The following MYH2 variants were observed in gnomAD, a reference collection of about 807,000 sequenced individuals.
MYH2 encodes myosin heavy chain 2, also known as myosin-2.
A neutral mutation model predicts 228.1 loss-of-function variants in MYH2; 139 were observed. That is an observed-to-expected ratio of 0.61 (90% CI 0.53 to 0.70). The LOEUF is 0.70. Ranked by LOEUF, MYH2 falls within the 30% of genes least tolerant of loss-of-function variation. The pLI, the probability that MYH2 is intolerant of heterozygous loss-of-function variation, is 0.00. For synonymous variants in MYH2, 796 were observed against 871.1 expected (o/e 0.91, Z 1.52); for missense variants, 1,809 against 2,357.5 (o/e 0.77, Z 4.82).
Position 10,521,247 on chromosome 17 carries a change from T to G in MYH2, c.*33A>C. On this transcript the variant is annotated 3_prime_UTR_variant, in exon 40 of 40. Transcript: ENST00000245503. ...GACCAAAGATGTCACATTTTGTGCCTGTCTTCAGTCATTCCATGGCATCAG... is the reference window on the plus strand; with the variant it reads ...GACCAAAGATGTCACATTTTGTGCCGGTCTTCAGTCATTCCATGGCATCAG... 1.2e-6 allele frequency: 2 copies of G among 1,611,456 alleles called. No individual in the cohort carries two copies. The highest frequency in any genetic ancestry group is 1.7e-6 in the Non-Finnish European group (2 of 1,178,932).
In MYH2 at chr17:10,545,426, G is replaced by T. The variant is rs766305131; in HGVS notation, c.425C>A (p.Ala142Asp). The T allele has an allele frequency of 2.5e-6, 4 of 1,614,028 alleles. No individual in the cohort carries two copies. Among genetic ancestry groups the T allele is most frequent in the Non-Finnish European group, 3.4e-6 (4 of 1,179,984 alleles). ...CTCCTGGCGCTTTTTGCCTCGGTAG[G>T]CTGTCACCACCTCGGGCTTATACAC... ...LPVYKPEVVT[A>D]YRGKKRQEAP... Residue 142 changes from alanine (A) to aspartate (D), a missense_variant, in exon 5 of 40, where the codon GCC becomes GAC. Physicochemically the swap from Ala to Asp is moderately radical, Grantham distance 126 (BLOSUM62 -2). Coordinates refer to ENST00000245503, the MANE Select transcript of MYH2 (RefSeq NM_017534.6).
chr17:10,538,530 A>T (rs2073510113), intron 14 of MYH2, among the ~76,000 whole-genome samples: 1 of 151,820 alleles, frequency 6.6e-6, no homozygotes, highest in Non-Finnish European at 1.5e-5. Flanking sequence ...CTGTAGTCCC[A>T]GCTATTCGGG....
intron 8 of MYH2, 68 bp from the exon 9 acceptor site, chr17:10,543,229 A>G (rs2073580845): frequency 8.5e-7 from 1 of 1,182,398 alleles, no homozygotes; most frequent in South Asian, 1.4e-5. Context: ...AATTCCAAAC[A>G]TTTGATGCTG....
intron 27 of MYH2, 27 bp downstream of exon 27, chr17:10,528,663 A>G (rs374806254): frequency 3.3e-5 from 53 of 1,613,834 alleles, no homozygotes; most frequent in Non-Finnish European, 4.3e-5. Flanking sequence ...ATTATTTTCA[A>G]TAACAATTTC....
At chr17:10,528,626 G>A (rs2073383801) in intron 27 of MYH2, 64 bp downstream of exon 27, 1 of 1,611,930 alleles carries the variant, frequency 6.2e-7, no homozygotes, top group East Asian at 2.2e-5. Flanking sequence ...AAAGTGCCCT[G>A]TGCAAACTAT....
Position 10,526,770 on chromosome 17 carries a change from A to T in MYH2, c.4016T>A (p.Leu1339Gln), listed in dbSNP as rs767924248. ...GTCACAGTCGTGGCGGGAAGACTGC[A>T]GGGCATGCGCCAGGGCGTTCTTGGC... is the stretch of plus-strand genomic sequence containing the variant. Reference protein sequence around the residue: ...IKAKNALAHALQSSRHDCDLL... With the variant: ...IKAKNALAHAQQSSRHDCDLL... The change falls in exon 30 of 40, where the codon CTG becomes CAG. Residue 1339 changes from leucine (L) to glutamine (Q), a missense_variant. By Grantham distance (113) the Leu-to-Gln change is moderately radical. Coordinates refer to ENST00000245503, the MANE Select transcript of MYH2 (RefSeq NM_017534.6). 1.9e-6 allele frequency: 3 copies of T among 1,614,250 alleles called. No individual in the cohort carries two copies. In the South Asian group the frequency reaches 3.3e-5, roughly 18 times the overall value.
chr17:10,539,071 C>T (rs964691317), intron 14 of MYH2, 134 bp downstream of exon 14: 3 of 1,502,762 alleles, frequency 2.0e-6, no homozygotes, highest in African/African-American at 1.4e-5. Flanking sequence ...CAATAACTGA[C>T]CAGTTACTCT....
Position 10,523,645 on chromosome 17 carries a change from G to C in MYH2, c.5323C>G (p.Leu1775Val), listed in dbSNP as rs753602134. Residue 1775 changes from leucine (L) to valine (V), a missense_variant, in exon 37 of 40, where the codon CTG (leucine) becomes GTG (valine). Around this residue, in one of 9 missense-constraint regions of MYH2, gnomAD observed 278 missense variants for 308.5 expected, o/e 0.90. Transcript: ENST00000245503. ...ITDAAMMAEE[L>V]KKEQDTSAHL... ...GCGCTGGTGTCCTGCTCCTTCTTCA[G>C]CTCCTCAGCCATCATGGCGGCCTAA... The C allele has an allele frequency of 1.1e-5, 18 of 1,614,062 alleles. No individual in the cohort carries two copies. Among genetic ancestry groups the C allele is most frequent in the Admixed American group, 1.7e-5 (1 of 60,004 alleles).
At position 10,533,321 on chromosome 17, in the gene MYH2, A is replaced by T. The variant is rs758395765; in HGVS notation, c.2405T>A (p.Leu802Ter). ...TRTQARCRGFLARVEYQRMVE... is the reference protein window; with the variant it reads ...TRTQARCRGF ...CATCCTCTGGTACTCCACTCTTGCCAAGAACCCTCTGCACCTGGCCTGGGT... is the reference window on the plus strand; with the variant it reads ...CATCCTCTGGTACTCCACTCTTGCCTAGAACCCTCTGCACCTGGCCTGGGT... Residue 802 changes from leucine (L) to a stop codon, truncating the protein, a stop_gained, in exon 21 of 40, where the codon TTG (leucine) becomes TAG (stop). Transcript: ENST00000245503. LOFTEE classifies it high-confidence loss of function. 6.6e-5 allele frequency: 106 copies of T among 1,614,068 alleles called. No homozygotes were observed. Among genetic ancestry groups the T allele is most frequent in the Non-Finnish European group, 5.1e-6 (6 of 1,180,014 alleles).
Position 10,523,505 on chromosome 17 carries a change from C to T in MYH2, c.5463G>A (p.Leu1821=), listed in dbSNP as rs978719240. 1.5e-5 allele frequency: 25 copies of T among 1,614,072 alleles called. No homozygotes were observed. The highest frequency in any genetic ancestry group is 2.1e-5 in the Non-Finnish European group (25 of 1,180,046). Reference sequence around the variant, plus strand: ...ATATTGGGAGACCCACCCTGGCCTCCAGTTTCTGGATCTGCTTCTTCCCAC... The same window carrying T: ...ATATTGGGAGACCCACCCTGGCCTCTAGTTTCTGGATCTGCTTCTTCCCAC... The part of the protein sequence containing the change: ...LKGGKKQIQK[L]EARVRELEGE... Residue 1821 remains leucine, a synonymous_variant, in exon 37 of 40, where the codon CTG becomes CTA. Transcript: ENST00000245503.
chr17:10,547,739 G>T lies in MYH2; in HGVS notation c.182C>A (p.Thr61Lys), dbSNP rs145979297. 1 of 1,614,196 alleles carries T rather than the reference G, an allele frequency of 6.2e-7. No individual in the cohort carries two copies. The highest frequency in any genetic ancestry group is 1.1e-5 in the South Asian group (1 of 91,084). Residue 61 changes from threonine to lysine, a missense_variant, in exon 3 of 40, where the codon ACG becomes AAG. By Grantham distance (78) the Thr-to-Lys change is moderately conservative (BLOSUM62 -1). Around this residue, in one of 9 missense-constraint regions of MYH2, gnomAD observed 84 missense variants for 81.8 expected, o/e 1.03. Transcript: ENST00000245503. Reference protein sequence around the residue: ...TIQSREGGKVTVKTEGGATLT... With the variant: ...TIQSREGGKVKVKTEGGATLT... ...CACCGCTCCTCCCTCAGTCTTCACC[G>T]TCACTTTTCCTCCTTCTCTGCTCTG...
At chr17:10,521,720 A>G (rs1049874374) in intron 39 of MYH2, among the ~76,000 whole-genome samples, 3 of 152,056 alleles carry the variant, frequency 2.0e-5, no homozygotes, top group Non-Finnish European at 2.9e-5. Flanking sequence ...GAAGGCAAGA[A>G]TATTAAAGTC....
At chr17:10,536,762 C>T (rs972615087) in intron 16 of MYH2, among the ~76,000 whole-genome samples, 156 bp from the exon 17 acceptor site, 1 of 152,202 alleles carries the variant, frequency 6.6e-6, no homozygotes, top group African/African-American at 2.4e-5. Context: ...ACTAAGTTTG[C>T]AGCCACTTAT....
chr17:10,547,327 C>T (rs111928286), intron 4 of MYH2, 148 bp downstream of exon 4: 17 of 1,097,028 alleles, frequency 1.5e-5, no homozygotes, highest in Admixed American at 5.2e-5. Context: ...CTGTGCTTTA[C>T]GATAGCAATC....
rs199732843 is a variant in MYH2 at position 10,527,072 on chromosome 17, A to G, written c.3872-16T>C. ...GAAAACTCACCTGATGGACAAAAGAAATGGCACCATTTTTTAGGTGAAAAA... is the reference window on the plus strand; with the variant it reads ...GAAAACTCACCTGATGGACAAAAGAGATGGCACCATTTTTTAGGTGAAAAA... On this transcript the variant is annotated splice_polypyrimidine_tract_variant and intron_variant, in intron 28 of 39. Coordinates refer to ENST00000245503, the MANE Select transcript of MYH2 (RefSeq NM_017534.6). 5.8e-4 allele frequency: 933 copies of G among 1,606,538 alleles called. 1 individual carries two copies. Among genetic ancestry groups the G allele is most frequent in the Non-Finnish European group, 7.7e-4 (900 of 1,173,144 alleles).
At chr17:10,543,548 C>T (rs1220779911) in intron 8 of MYH2, among the ~76,000 whole-genome samples, 163 bp downstream of exon 8, 1 of 151,872 alleles carries the variant, frequency 6.6e-6, no homozygotes, top group Non-Finnish European at 1.5e-5. Context: ...GCCATATATC[C>T]TTCAAGATGG....
chr17:10,527,058 T>A lies in MYH2; in HGVS notation c.3872-2A>T. On this transcript the variant is annotated splice_acceptor_variant, in intron 28 of 39. Transcript: ENST00000245503. LOFTEE classifies it high-confidence loss of function. ...CATCAAGCTGGCGTGAAAACTCACC[T>A]GATGGACAAAAGAAATGGCACCATT... 6.2e-7 allele frequency: 1 copy of A among 1,613,184 alleles called. No homozygotes were observed.
rs879255253 is a variant in MYH2 at position 10,542,874 on chromosome 17, C to G, written c.904+1G>C. On this transcript the variant is annotated splice_donor_variant, in intron 10 of 39. Transcript: ENST00000245503. LOFTEE classifies it high-confidence loss of function. ...TGGAAAAGAATTATGACATTTCTTA[C>G]CAATAAGTTCTGGTTTCTTATTCGA... 56 of 1,576,306 alleles carry G rather than the reference C, an allele frequency of 3.6e-5. No individual in the cohort carries two copies. Among genetic ancestry groups the G allele is most frequent in the Non-Finnish European group, 4.9e-5 (56 of 1,146,218 alleles).
Position 10,547,803 on chromosome 17 carries a change from C to T in MYH2, c.118G>A (p.Val40Met). 1 of 1,614,188 alleles carries T rather than the reference C, an allele frequency of 6.2e-7. No individual in the cohort carries two copies. Among genetic ancestry groups the T allele is most frequent in the Non-Finnish European group, 8.5e-7 (1 of 1,180,044 alleles). ...ACAAAGGATTCTTTGGGCTCCGCCA[C>T]AAAGACAGATGTTTTGGCATCAAAG... ...RPFDAKTSVFVAEPKESFVKG... is the reference protein window; with the variant it reads ...RPFDAKTSVFMAEPKESFVKG... The change falls in exon 3 of 40, where the codon GTG becomes ATG. Residue 40 changes from valine (V) to methionine (M), a missense_variant. Physicochemically the swap from Val to Met is conservative, Grantham distance 21 (BLOSUM62 1). Coordinates refer to ENST00000245503, the MANE Select transcript of MYH2 (RefSeq NM_017534.6).
Sources: allele counts gnomAD v4.1 joint callset (sites outside exome capture counted in the v4.1 genomes callset), GRCh38; gene constraint gnomAD v4.1.1; regional missense constraint gnomAD v4.1.1; transcripts MANE v1.5; gene names NCBI Gene and HGNC (gene_info 2026-07-23, HGNC 2026-07-21).